Variants in DUSP8 observed in about 807,000 individuals in gnomAD.
DUSP8 encodes the protein dual specificity phosphatase 8.
A neutral mutation model predicts 38.7 loss-of-function variants in DUSP8; 15 were observed. That is an observed-to-expected ratio of 0.39 (90% CI 0.26 to 0.60). DUSP8 has a LOEUF of 0.60. Ranked by LOEUF, DUSP8 falls within the 20% of genes least tolerant of loss-of-function variation. The pLI, the probability that DUSP8 is intolerant of heterozygous loss-of-function variation, is 0.56. For missense variants in DUSP8, 768 were observed against 915.0 expected, an observed-to-expected ratio of 0.84 and a Z score of 2.07; for synonymous variants, 458 against 433.9, an observed-to-expected ratio of 1.06 and a Z score of -0.69.
Position 1,564,000 on chromosome 11 carries a change from T to C in DUSP8, c.232-11A>G, listed in dbSNP as rs548562221. On this transcript the variant is annotated splice_polypyrimidine_tract_variant and intron_variant, in intron 2 of 6. Transcript: ENST00000397374. ...CTCCGTAGCCTCCACCTGGGGGCCA[T>C]GGGGCAGAGATCAGCATGCCGCCTC... 190 of 1,454,356 alleles carry C rather than the reference T, an allele frequency of 1.3e-4. No homozygotes were observed. The highest frequency in any genetic ancestry group is 1.6e-4 in the Non-Finnish European group (179 of 1,093,562). 90.1% of individuals were successfully genotyped at this position (1,454,356 alleles called of 1,614,324 possible).
At position 1,557,435 on chromosome 11, in the gene DUSP8, G is replaced by A; in HGVS notation, c.961C>T (p.Pro321Ser). ...GTPSGTPEPP[P>S]SPAAGAPLPR... is the part of the protein sequence containing the mutation. ...AGCGGGGCCCCGGCGGCAGGACTGG[G>A]CGGAGGCTCCGGCGTCCCTGAGGGG... Residue 321 changes from proline to serine, a missense_variant, in exon 7 of 7, where the codon CCC becomes TCC. Transcript: ENST00000397374. The surrounding 1 kb of genome is among the most constrained non-coding windows in gnomAD (Gnocchi z 9.9). The A allele has an allele frequency of 6.4e-7, 1 of 1,566,196 alleles. No homozygotes were observed. Among genetic ancestry groups the A allele is most frequent in the Non-Finnish European group, 8.6e-7 (1 of 1,167,654 alleles).
Position 1,565,531 on chromosome 11 carries a change from G to A in DUSP8, c.231+65C>T, listed in dbSNP as rs868563353. On this transcript the variant is annotated intron_variant, in intron 2 of 6. Transcript: ENST00000397374. Reference sequence around the variant, plus strand: ...GGCAGAGGAGGGGGGTGCTGCCCGAGCTGAGGGCCCCTTAGCTGTGGACCC... The same window carrying A: ...GGCAGAGGAGGGGGGTGCTGCCCGAACTGAGGGCCCCTTAGCTGTGGACCC... 2.0e-5 allele frequency: 27 copies of A among 1,333,786 alleles called. No individual in the cohort carries two copies. The Middle Eastern group carries it at 1.9e-3, about 92-fold the overall frequency. 82.6% of individuals were successfully genotyped at this position (1,333,786 alleles called of 1,614,324 possible). A position where few individuals can be genotyped will look rare whatever the true frequency, so the allele number is the denominator to read the frequency against.
Position 1,565,716 on chromosome 11 carries a change from C to T in DUSP8, c.111G>A (p.Glu37=). ...AGCTGAGCACATGCCAGCTGTTGTA[C>T]TCCACGAAGGAGCGGCTGTCGATGA... is the stretch of plus-strand genomic sequence containing the variant. ...PLVIDSRSFV[E]YNSWHVLSSV... The change falls in exon 2 of 7, where the codon GAG becomes GAA. Residue 37 remains glutamate (E), a synonymous_variant. Transcript: ENST00000397374. The T allele has an allele frequency of 6.2e-7, 1 of 1,612,032 alleles. No individual in the cohort carries two copies. Among genetic ancestry groups the T allele is most frequent in the Non-Finnish European group, 8.5e-7 (1 of 1,179,722 alleles).
rs1216200871 is a variant in DUSP8 at position 1,565,785 on chromosome 11, C to T, written c.42G>A (p.Lys14=). ...DRLPRKVMDA[K]KLASLLRGGP... The stretch of plus-strand genomic sequence containing the variant: ...CGCCCCGCAGCAGGCTGGCCAGCTT[C>T]TTGGCATCCATCACCTTCCTCGGGA... The change falls in exon 2 of 7, where the codon AAG becomes AAA. Residue 14 remains lysine (K), a synonymous_variant. Coordinates refer to ENST00000397374, the MANE Select transcript of DUSP8 (RefSeq NM_004420.3). The T allele has an allele frequency of 5.6e-6, 9 of 1,610,436 alleles. No individual in the cohort carries two copies. Among genetic ancestry groups the T allele is most frequent in the East Asian group, 2.2e-5 (1 of 44,824 alleles).
rs1394257339 is a variant in DUSP8 at position 1,555,248 on chromosome 11, G to GAGC, written c.*1267_*1269dup. ...GGGGCTGGCATGCCACCTAGAGAGA[G>GAGC]AGCACCCTGGGAAAGGGGTGAATGG... On this transcript the variant is annotated 3_prime_UTR_variant, in exon 7 of 7. Coordinates refer to ENST00000397374, the MANE Select transcript of DUSP8 (RefSeq NM_004420.3). 1.0e-6 allele frequency: 1 copy of GAGC among 987,882 alleles called. No homozygotes were observed. Among genetic ancestry groups the GAGC allele is most frequent in the East Asian group, 1.1e-4 (1 of 8,814 alleles). The allele number at this position is 987,882 out of a possible 1,614,324, so 61.2% of individuals were successfully genotyped here.
At chr11:1,572,683 C>G (rs1011102516), upstream of DUSP8, 3 of 152,076 alleles carry the variant, frequency 2.0e-5, no homozygotes, top group Admixed American at 1.3e-4. The surrounding 1 kb of genome is among the most constrained non-coding windows in gnomAD (Gnocchi z 4.7). Context: ...GCGCCGGCGC[C>G]GCTCCCCCCT....
At position 1,557,822 on chromosome 11, in the gene DUSP8, T is replaced by C; in HGVS notation, c.793A>G (p.Met265Val). ...TIAIAYIMKT[M>V]GMSSDDAYRF... The stretch of plus-strand genomic sequence containing the variant: ...TAGGCGTCGTCGGAGGACATGCCCA[T>C]GGTCTTCATGATGTAGGCGATGGCG... The change falls in exon 6 of 7, where the codon ATG becomes GTG. Residue 265 changes from methionine (M) to valine (V), a missense_variant. Met to Val is a conservative substitution (Grantham distance 21). Transcript: ENST00000397374. The surrounding 1 kb of genome is among the most constrained non-coding windows in gnomAD (Gnocchi z 9.9). 1 of 1,613,622 alleles carries C rather than the reference T, an allele frequency of 6.2e-7. No homozygotes were observed. The highest frequency in any genetic ancestry group is 8.5e-7 in the Non-Finnish European group (1 of 1,179,980).
At position 1,554,943 on chromosome 11, in the gene DUSP8, G is replaced by A; in HGVS notation, c.*1575C>T. ...CTTTTGCTGAAAGGAGGGATGACAGGAACACAGAGCTGTGGGTGAAAAGAA... is the reference window on the plus strand; with the variant it reads ...CTTTTGCTGAAAGGAGGGATGACAGAAACACAGAGCTGTGGGTGAAAAGAA... On this transcript the variant is annotated 3_prime_UTR_variant, in exon 7 of 7. Coordinates refer to ENST00000397374, the MANE Select transcript of DUSP8 (RefSeq NM_004420.3). The A allele has an allele frequency of 1.0e-6, 1 of 986,038 alleles. No homozygotes were observed. The highest frequency in any genetic ancestry group is 1.2e-6 in the Non-Finnish European group (1 of 830,140). 61.1% of individuals were successfully genotyped at this position (986,038 alleles called of 1,614,324 possible).
At chr11:1,571,343 A>G (rs11824240) in intron 1 of DUSP8, 94,526 of 151,802 alleles carry the variant, frequency 0.62, 29,922 homozygotes, top group Non-Finnish European at 0.66. Context: ...GCACCCCGGG[A>G]TGGGGAGGCA....
intron 3 of DUSP8, among the ~76,000 whole-genome samples, chr11:1,561,985 C>T (rs1381735834): frequency 1.3e-5 from 2 of 152,212 alleles, no homozygotes; most frequent in Non-Finnish European, 2.9e-5. Context: ...TTGGCAGCTG[C>T]ACTTCTGGAG....
At chr11:1,566,517 C>T (rs1485265901) in intron 1 of DUSP8, among the ~76,000 whole-genome samples, 6 of 152,260 alleles carry the variant, frequency 3.9e-5, no homozygotes, top group African/African-American at 1.2e-4. Context: ...AGTGGGCTCC[C>T]GGGGGCAGCC....
At position 1,554,496 on chromosome 11, in the gene DUSP8, GGA is replaced by G; in HGVS notation, c.*2020_*2021del. On this transcript the variant is annotated 3_prime_UTR_variant, in exon 7 of 7. Transcript: ENST00000397374. The stretch of plus-strand genomic sequence containing the variant: ...GCCTCAGCCCGCCTCCTGCAGCACT[GGA>G]GGAGGCAGTGGCCAACACAGGACCT... 3.4e-6 allele frequency: 1 copy of G among 291,602 alleles called. No individual in the cohort carries two copies. Among genetic ancestry groups the G allele is most frequent in the South Asian group, 1.3e-4 (1 of 7,660 alleles). 18.1% of individuals were successfully genotyped at this position (291,602 alleles called of 1,614,324 possible).
intron 1 of DUSP8, among the ~76,000 whole-genome samples, chr11:1,567,983 C>G (rs889224197): frequency 2.6e-5 from 4 of 152,156 alleles, no homozygotes; most frequent in Non-Finnish European, 5.9e-5. Context: ...GGCGAGGGCC[C>G]AGATGTGTGG....
chr11:1,568,946 G>A (rs917728858), intron 1 of DUSP8, among the ~76,000 whole-genome samples: 6 of 152,210 alleles, frequency 3.9e-5, no homozygotes, highest in African/African-American at 1.4e-4. Context: ...CTAAGGATCG[G>A]GGCTCAGCTA....
At chr11:1,572,548 C>G (rs2133457070), upstream of DUSP8, among the ~76,000 whole-genome samples, 1 of 151,922 alleles carries the variant, frequency 6.6e-6, no homozygotes, top group South Asian at 2.1e-4. This position sits in a 1 kb window ranked among gnomAD's most constrained non-coding sequence, Gnocchi z 4.7. Flanking sequence ...CCAGGAAGCC[C>G]TCCCGGCCCC....
chr11:1,555,597 C>CGGGGG lies in DUSP8; in HGVS notation c.*920_*921insCCCCC. 2.1e-6 allele frequency: 1 copy of CGGGGG among 470,868 alleles called. No homozygotes were observed. The highest frequency in any genetic ancestry group is 2.8e-6 in the Non-Finnish European group (1 of 359,710). The allele number at this position is 470,868 out of a possible 1,614,324, so 29.2% of individuals were successfully genotyped here. On this transcript the variant is annotated 3_prime_UTR_variant, in exon 7 of 7. Coordinates refer to ENST00000397374, the MANE Select transcript of DUSP8 (RefSeq NM_004420.3). ...CCAGCACTGGCTAGCCAGGCGCCTC[C>CGGGGG]TGCCTGACCCCCGGAGGCCAAGCTC... is the stretch of plus-strand genomic sequence containing the variant.
At position 1,565,896 on chromosome 11, in the gene DUSP8, G is replaced by T; in HGVS notation, c.-70C>A. ...GGGGCTGCTCCGACGGCCCAGGTGT[G>T]GCCTCGCGCTGGGAGTGACCTAGCA... On this transcript the variant is annotated 5_prime_UTR_variant, in exon 2 of 7. Transcript: ENST00000397374. The T allele has an allele frequency of 7.5e-7, 1 of 1,341,580 alleles. No individual in the cohort carries two copies. Among genetic ancestry groups the T allele is most frequent in the Non-Finnish European group, 1.1e-6 (1 of 943,862 alleles). 83.1% of individuals were successfully genotyped at this position (1,341,580 alleles called of 1,614,324 possible). A position where few individuals can be genotyped will look rare whatever the true frequency, so the allele number is the denominator to read the frequency against.
At chr11:1,559,129 C>A in intron 3 of DUSP8, 74 bp from the exon 4 acceptor site, 4 of 1,412,832 alleles carry the variant, frequency 2.8e-6, no homozygotes, top group Non-Finnish European at 3.8e-6. Context: ...GCCCTGTCCG[C>A]CTAGGGCACC....
At position 1,556,524 on chromosome 11, in the gene DUSP8, C is replaced by T. The variant is rs1338307573; in HGVS notation, c.1872G>A (p.Val624=). The T allele has an allele frequency of 7.7e-7, 1 of 1,306,724 alleles. No individual in the cohort carries two copies. The allele number at this position is 1,306,724 out of a possible 1,614,324, so 80.9% of individuals were successfully genotyped here. The change falls in exon 7 of 7, where the codon GTG becomes GTA. Residue 624 remains valine (V), a synonymous_variant. Coordinates refer to ENST00000397374, the MANE Select transcript of DUSP8 (RefSeq NM_004420.3). This position sits in a 1 kb window ranked among gnomAD's most constrained non-coding sequence, Gnocchi z 5.2. ...GCCGAGGGCAGCGGAGGGGTCAGGACACCTCGATGACCTCCACGCTGCCCG... is the reference window on the plus strand; with the variant it reads ...GCCGAGGGCAGCGGAGGGGTCAGGATACCTCGATGACCTCCACGCTGCCCG... ...SFSGSVEVIE[V]S
Sources: gnomAD v4.1 joint callset for allele counts (sites outside exome capture counted in the v4.1 genomes callset) on GRCh38, gnomAD v4.1.1 for gene constraint, Gnocchi (gnomAD v3.1) non-coding constraint, MANE v1.5 for transcripts, NCBI Gene and HGNC (gene_info 2026-07-23, HGNC 2026-07-21) for gene names.